The following NAV3 variants were observed in gnomAD, a reference collection of about 807,000 sequenced individuals.
The protein encoded by NAV3 is neuron navigator 3, also known as pore membrane and/or filament interacting like protein 1.
In NAV3, 87 loss-of-function variants were observed where a neutral mutation model predicts 244.7. That is an observed-to-expected ratio of 0.36 (90% CI 0.30 to 0.42). The LOEUF is 0.42. NAV3 is among the 20% of genes least tolerant of loss of function. The pLI is 1.00. For missense variants in NAV3, 2,663 were observed against 2,893.3 expected (o/e 0.92, Z 1.83); for synonymous variants, 1,126 against 1,042.2 (o/e 1.08, Z -1.55).
In NAV3 at chr12:78,122,291, T is replaced by C. The variant is rs2138699564; in HGVS notation, c.4101T>C (p.Thr1367=). The C allele has an allele frequency of 6.2e-7, 1 of 1,614,198 alleles. No homozygotes were observed. The highest frequency in any genetic ancestry group is 8.5e-7 in the Non-Finnish European group (1 of 1,180,026). Residue 1367 remains threonine (T), a synonymous_variant, in exon 16 of 40, where the codon ACT becomes ACC. Transcript: ENST00000397909. ...SKDTPSYQSM[T]SLHTSSESID... ...ATACTCCGAGCTACCAGTCCATGAC[T>C]AGCCTCCACACGAGCTCTGAGTCCA...
chr12:78,136,110 A>G (rs1458257477), intron 18 of NAV3, among the ~76,000 whole-genome samples: 5 of 152,130 alleles, frequency 3.3e-5, no homozygotes, highest in African/African-American at 1.2e-4. Context: ...TTGTATTAAG[A>G]AGAAGTTTAG....
intron 2 of NAV3, among the ~76,000 whole-genome samples, chr12:77,712,572 C>T (rs1876172160): frequency 6.6e-6 from 1 of 152,158 alleles, no homozygotes; most frequent in Non-Finnish European, 1.5e-5. Context: ...GATATCCTAA[C>T]CAGAACATGT....
At chr12:78,175,006 G>T (rs1277153130) in intron 24 of NAV3, among the ~76,000 whole-genome samples, 1 of 151,864 alleles carries the variant, frequency 6.6e-6, no homozygotes, top group African/African-American at 2.4e-5. Flanking sequence ...CTTGATCCAG[G>T]TATTCAGTAG....
At chr12:77,784,363 A>G (rs1393851736) in intron 2 of NAV3, among the ~76,000 whole-genome samples, 1 of 152,214 alleles carries the variant, frequency 6.6e-6, no homozygotes, top group Non-Finnish European at 1.5e-5. Flanking sequence ...AACTCACATC[A>G]AAGTCATGTA....
At position 78,050,087 on chromosome 12, in the gene NAV3, T is replaced by C. The variant is rs1346449550; in HGVS notation, c.2118T>C (p.Thr706=). 6.2e-7 allele frequency: 1 copy of C among 1,608,806 alleles called. No homozygotes were observed. Among genetic ancestry groups the C allele is most frequent in the Non-Finnish European group, 8.5e-7 (1 of 1,178,266 alleles). ...AGACTATGTCCAGTCTTCGTGGGAC[T>C]CAGATAAGCCACAGGTTTTTTTCAA... is the stretch of plus-strand genomic sequence containing the variant. The part of the protein sequence containing the change: ...LEETMSSLRG[T]QISHSTLETT... Residue 706 remains threonine (T), a synonymous_variant, in exon 10 of 40, where the codon ACT becomes ACC. Coordinates refer to ENST00000397909, the MANE Select transcript of NAV3 (RefSeq NM_001024383.2).
Position 78,119,459 on chromosome 12 carries a change from G to A in NAV3, c.3263G>A (p.Ser1088Asn), listed in dbSNP as rs2138611980. 1 of 1,614,208 alleles carries A rather than the reference G, an allele frequency of 6.2e-7. No homozygotes were observed. Among genetic ancestry groups the A allele is most frequent in the Non-Finnish European group, 8.5e-7 (1 of 1,180,032 alleles). The change falls in exon 15 of 40, where the codon AGT (serine) becomes AAT (asparagine). Residue 1088 changes from serine (S) to asparagine (N), a missense_variant. By Grantham distance (46) the Ser-to-Asn change is conservative. Coordinates refer to ENST00000397909, the MANE Select transcript of NAV3 (RefSeq NM_001024383.2). ...ACCAGCAGTGGAGCAACCATAACAA[G>A]TGGCTCTGCAACACTGGGTAAAATT... ...MITSSGATITSGSATLGKIPK... is the reference protein window; with the variant it reads ...MITSSGATITNGSATLGKIPK...
At chr12:77,751,724 G>T (rs1197119668) in intron 2 of NAV3, among the ~76,000 whole-genome samples, 1 of 152,036 alleles carries the variant, frequency 6.6e-6, no homozygotes, top group Non-Finnish European at 1.5e-5. Flanking sequence ...TACATACATT[G>T]TTCCTTTATA....
intron 25 of NAV3, 112 bp downstream of exon 25, chr12:78,175,539 C>G (rs1023844941): frequency 3.0e-6 from 4 of 1,325,930 alleles, no homozygotes; most frequent in Non-Finnish European, 4.1e-6. Flanking sequence ...CCCATTCAAG[C>G]TACTGAGACC....
At chr12:77,641,284 A>G (rs1013781915) in intron 2 of NAV3, among the ~76,000 whole-genome samples, 1 of 152,010 alleles carries the variant, frequency 6.6e-6, no homozygotes, top group Non-Finnish European at 1.5e-5. Flanking sequence ...GGAGAAGGAG[A>G]CATCTCAGTG....
At chr12:77,682,505 T>C (rs1269490238) in intron 2 of NAV3, among the ~76,000 whole-genome samples, 1 of 152,156 alleles carries the variant, frequency 6.6e-6, no homozygotes, top group African/African-American at 2.4e-5. Context: ...TTCATTTCCT[T>C]TGGGTATATA....
At chr12:77,674,514 C>T (rs1323145858) in intron 2 of NAV3, among the ~76,000 whole-genome samples, 1 of 152,118 alleles carries the variant, frequency 6.6e-6, no homozygotes, top group Non-Finnish European at 1.5e-5. Context: ...TCCCACGTAG[C>T]AAGTAGCTGG....
At chr12:78,055,064 ATATT>A (rs927865711) in intron 11 of NAV3, among the ~76,000 whole-genome samples, 12 of 152,164 alleles carry the variant, frequency 7.9e-5, no homozygotes, top group African/African-American at 2.4e-4. Flanking sequence ...TCTATTAAAA[ATATT>A]TATCGAGTTC....
chr12:78,119,334 A>G lies in NAV3; in HGVS notation c.3138A>G (p.Gly1046=), dbSNP rs753670760. The G allele has an allele frequency of 2.5e-5, 40 of 1,614,182 alleles. No homozygotes were observed. The African/African-American group carries it at 5.2e-4, about 21-fold the overall frequency. Residue 1046 remains glycine, a synonymous_variant, in exon 15 of 40, where the codon GGA becomes GGG. Transcript: ENST00000397909. ...RSPSDAGKSS[G]DEGKKPPSGI... Reference sequence around the variant, plus strand: ...CTTCAGATGCAGGAAAAAGCAGTGGAGATGAAGGGAAAAAGCCCCCCTCAG... The same window carrying G: ...CTTCAGATGCAGGAAAAAGCAGTGGGGATGAAGGGAAAAAGCCCCCCTCAG...
At chr12:77,613,031 C>G (rs1870988534) in intron 2 of NAV3, among the ~76,000 whole-genome samples, 1 of 152,102 alleles carries the variant, frequency 6.6e-6, no homozygotes, top group African/African-American at 2.4e-5. Context: ...CTGAGCCTCC[C>G]CAACCATGCT....
chr12:78,155,862 C>A (rs773088576), intron 22 of NAV3, among the ~76,000 whole-genome samples: 5 of 151,846 alleles, frequency 3.3e-5, no homozygotes, highest in Non-Finnish European at 7.4e-5. Context: ...TTTTTACTTG[C>A]GCATTTGTTG....
At chr12:77,747,349 G>T (rs940245766) in intron 2 of NAV3, among the ~76,000 whole-genome samples, 1 of 152,136 alleles carries the variant, frequency 6.6e-6, no homozygotes, top group Non-Finnish European at 1.5e-5. Context: ...TCTCACACCA[G>T]TTAGAATGGT....
At chr12:77,843,377 T>A (rs1270321865) in intron 1 of NAV3, among the ~76,000 whole-genome samples, 1 of 151,394 alleles carries the variant, frequency 6.6e-6, no homozygotes, top group Non-Finnish European at 1.5e-5. Flanking sequence ...CAGGTAACTT[T>A]CCTTGTTTTT....
At chr12:77,616,273 G>C (rs1871139813) in intron 2 of NAV3, among the ~76,000 whole-genome samples, 1 of 151,986 alleles carries the variant, frequency 6.6e-6, no homozygotes, top group African/African-American at 2.4e-5. Flanking sequence ...CAGGCATGGT[G>C]GTGGGCACCT....
intron 1 of NAV3, among the ~76,000 whole-genome samples, chr12:77,896,949 A>G (rs1396656760): frequency 3.9e-5 from 6 of 152,176 alleles, no homozygotes; most frequent in Non-Finnish European, 8.8e-5. Context: ...AGACTCTTCA[A>G]TCCCTCACCC....
Sources: allele counts gnomAD v4.1 joint callset (sites outside exome capture counted in the v4.1 genomes callset), GRCh38; gene constraint gnomAD v4.1.1; transcripts MANE v1.5; gene names NCBI Gene and HGNC (gene_info 2026-07-23, HGNC 2026-07-21).